Variants in SPATA7 observed in about 807,000 individuals in gnomAD.
SPATA7 encodes spermatogenesis associated 7.
A neutral mutation model predicts 51.8 loss-of-function variants in SPATA7; 43 were observed. The observed-to-expected ratio is 0.83, with a 90% confidence interval of 0.65 to 1.07. SPATA7 has a LOEUF of 1.07. Ranked by LOEUF, SPATA7 falls within the 50% of genes least tolerant of loss-of-function variation. The pLI is 0.00. For missense variants in SPATA7, 683 were observed against 701.3 expected, an observed-to-expected ratio of 0.97 and a Z score of 0.30; for synonymous variants, 230 against 252.8, an observed-to-expected ratio of 0.91 and a Z score of 0.86.
chr14:88,404,031 C>A (rs766617629), intron 4 of SPATA7, among the ~76,000 whole-genome samples: 20 of 151,964 alleles, frequency 1.3e-4, no homozygotes, highest in Non-Finnish European at 2.2e-4. Context: ...GTCTGCTATA[C>A]CTTAACAAAG....
intron 1 of SPATA7, among the ~76,000 whole-genome samples, chr14:88,387,087 A>G (rs2075601041): frequency 1.3e-5 from 2 of 152,258 alleles, no homozygotes; most frequent in African/African-American, 4.8e-5. Flanking sequence ...TGAAGAAACT[A>G]AAGCAAAAGA....
intron 3 of SPATA7, among the ~76,000 whole-genome samples, chr14:88,445,340 C>G (rs1297035926): frequency 6.6e-6 from 1 of 151,562 alleles, no homozygotes; most frequent in Non-Finnish European, 1.5e-5. Context: ...GATTTTGTAT[C>G]CAGAGACTTT....
At position 88,464,246 on chromosome 14, in the gene SPATA7, T is replaced by C. The variant is rs142352038; in HGVS notation, c.255-5601T>C. 8.5e-5 allele frequency among the ~76,000 whole-genome samples: 13 copies of C among 152,300 alleles called. No individual in the cohort carries two copies. In the East Asian group the frequency reaches 1.9e-3, roughly 23 times the overall value. On this transcript the variant is annotated intron_variant, in intron 4 of 4. Coordinates refer to the SPATA7 transcript ENST00000556406. ...TTTGAGAAATGTTTTCCCAGGCAAATTTCTAATGCAGCTATTCCTCTACTT... is the reference window on the plus strand; with the variant it reads ...TTTGAGAAATGTTTTCCCAGGCAAACTTCTAATGCAGCTATTCCTCTACTT...
intron 4 of SPATA7, chr14:88,466,505 T>A (rs561224394): frequency 6.6e-6 from 1 of 152,266 alleles, no homozygotes; most frequent in South Asian, 2.1e-4. Context: ...ATGCCTAGAA[T>A]AGTGTAATTT....
In SPATA7 at chr14:88,469,500, T is replaced by A; in HGVS notation, c.255-347T>A. ...CGGAACAAAGTTAAAGTCACTCACA[T>A]AAAAATCCCTTGAGGTCTTCTGGAC... On this transcript the variant is annotated intron_variant, in intron 4 of 4. Coordinates refer to the SPATA7 transcript ENST00000556406. This position sits in a 1 kb window ranked among gnomAD's most constrained non-coding sequence, Gnocchi z 4.3. The A allele has an allele frequency of 6.2e-7, 1 of 1,609,902 alleles. No individual in the cohort carries two copies. Among genetic ancestry groups the A allele is most frequent in the East Asian group, 2.2e-5 (1 of 44,872 alleles).
intron 5 of SPATA7, among the ~76,000 whole-genome samples, chr14:88,423,135 C>G (rs973255544): frequency 6.6e-6 from 1 of 152,122 alleles, no homozygotes; most frequent in Non-Finnish European, 1.5e-5. Context: ...TTGAGTCATT[C>G]ACTACTTAGT....
intron 4 of SPATA7, chr14:88,468,133 G>A: frequency 1.2e-6 from 2 of 1,613,994 alleles, no homozygotes; most frequent in African/African-American, 1.3e-5. Context: ...GAAATTGTGG[G>A]AGCTTAGATG....
Position 88,434,572 on chromosome 14 carries a change from C to A in SPATA7, c.1160+1360C>A, listed in dbSNP as rs143179284. ...TGGTGGTGCGCGCCTGTAGTCCCAG[C>A]TACTCAGGAGGGTGAGGCAGGAGAA... On this transcript the variant is annotated intron_variant, in intron 10 of 11. Transcript: ENST00000393545. 8.5e-3 allele frequency among the ~76,000 whole-genome samples: 1,291 copies of A among 151,784 alleles called. 9 individuals carry two copies. Among genetic ancestry groups the A allele is most frequent in the African/African-American group, 0.03 (1,228 of 41,416 alleles).
At chr14:88,423,148 A>G (rs1054435770) in intron 5 of SPATA7, among the ~76,000 whole-genome samples, 3 of 152,054 alleles carry the variant, frequency 2.0e-5, no homozygotes, top group Admixed American at 1.3e-4. Flanking sequence ...TACTTAGTCA[A>G]TGCTCCCATA....
At chr14:88,421,031 C>T (rs1478451077) in intron 5 of SPATA7, among the ~76,000 whole-genome samples, 2 of 151,804 alleles carry the variant, frequency 1.3e-5, no homozygotes, top group Non-Finnish European at 1.5e-5. Flanking sequence ...GCAGGGGAAT[C>T]GAACCCAGGA....
chr14:88,428,541 A>T (rs1452036319), intron 7 of SPATA7: 3 of 152,214 alleles, frequency 2.0e-5, no homozygotes, highest in African/African-American at 7.2e-5. Flanking sequence ...AACTGTACTT[A>T]ACTTGCAGGA....
intron 4 of SPATA7, among the ~76,000 whole-genome samples, chr14:88,397,668 A>C (rs958132088): frequency 1.3e-5 from 2 of 151,956 alleles, no homozygotes; most frequent in African/African-American, 4.8e-5. Context: ...AGGAAAAAGA[A>C]AACCCATAAT....
intron 5 of SPATA7, among the ~76,000 whole-genome samples, chr14:88,424,162 A>G (rs559199869): frequency 3.2e-4 from 48 of 152,302 alleles, no homozygotes; most frequent in African/African-American, 1.1e-3. Context: ...TCAGAACTTT[A>G]CAGTGATCTG....
chr14:88,400,533 T>G (rs368985056), intron 4 of SPATA7, among the ~76,000 whole-genome samples: 1 of 152,110 alleles, frequency 6.6e-6, no homozygotes, highest in Non-Finnish European at 1.5e-5. Context: ...GAATCAGTAA[T>G]CAAAAACTTC....
At chr14:88,451,841 ATTTC>A (rs1360906473) in intron 3 of SPATA7, among the ~76,000 whole-genome samples, 2 of 151,636 alleles carry the variant, frequency 1.3e-5, no homozygotes, top group African/African-American at 4.8e-5. Flanking sequence ...CATTTTTTTT[ATTTC>A]TTTAAGTTAG....
intron 1 of SPATA7, among the ~76,000 whole-genome samples, chr14:88,387,841 GA>G (rs1288247584): frequency 3.9e-5 from 6 of 152,130 alleles, no homozygotes; most frequent in Non-Finnish European, 5.9e-5. Context: ...GTGAAGAAAA[GA>G]TTGAGAATAA....
At chr14:88,431,110 A>C (rs1291502596) in intron 8 of SPATA7, 62 bp from the exon 9 acceptor site, 2 of 1,342,930 alleles carry the variant, frequency 1.5e-6, no homozygotes, top group Non-Finnish European at 2.1e-6. Flanking sequence ...ATACAATGTT[A>C]TTGAGTACTT....
chr14:88,438,098 C>A lies in SPATA7; in HGVS notation c.1476C>A (p.Phe492Leu), dbSNP rs750676893. The A allele has an allele frequency of 7.6e-5, 122 of 1,614,048 alleles. No homozygotes were observed. The East Asian group carries it at 2.7e-3, about 36-fold the overall frequency. ...TATTCCCTTCACCAACTGAATTTTT[C>A]ATGCCTATTTATAAATCAAAGCATT... ...NEIFPSPTEF[F>L]MPIYKSKHSE... Residue 492 changes from phenylalanine (F) to leucine (L), a missense_variant, in exon 12 of 12, where the codon TTC (phenylalanine) becomes TTA (leucine). Transcript: ENST00000393545.
intron 3 of SPATA7, among the ~76,000 whole-genome samples, chr14:88,448,408 A>G (rs966917293): frequency 8.5e-5 from 13 of 152,274 alleles, no homozygotes; most frequent in African/African-American, 3.1e-4. Context: ...CAAAGTTTTC[A>G]ACTTCTTTGC....
Sources: gnomAD v4.1 joint callset for allele counts (sites outside exome capture counted in the v4.1 genomes callset) on GRCh38, gnomAD v4.1.1 for gene constraint, Gnocchi (gnomAD v3.1) non-coding constraint, MANE v1.5 for transcripts, NCBI Gene and HGNC (gene_info 2026-07-23, HGNC 2026-07-21) for gene names.